SLC39A11: variants seen among roughly 807,000 people sequenced by gnomAD.
SLC39A11 encodes zinc transporter ZIP11.
SLC39A11 carries 33 observed loss-of-function variants against 36.1 expected under a neutral mutation model. The observed-to-expected ratio is 0.91, with a 90% CI of 0.69 to 1.22. SLC39A11 has a LOEUF of 1.22. SLC39A11 is among the 50% of genes most tolerant of loss of function. The pLI is 0.00. For synonymous variants in SLC39A11, 166 were observed against 170.3 expected, an observed-to-expected ratio of 0.97 and a Z score of 0.20; for missense variants, 432 against 430.3, an observed-to-expected ratio of 1.00 and a Z score of -0.03.
chr17:72,904,398 A>T (rs1266008954), intron 5 of SLC39A11, among the ~76,000 whole-genome samples: 1 of 152,196 alleles, frequency 6.6e-6, no homozygotes, highest in East Asian at 1.9e-4. Flanking sequence ...TTTTCACCAT[A>T]CAGTGTCCAA....
intron 4 of SLC39A11, among the ~76,000 whole-genome samples, chr17:73,026,342 C>T (rs1008113838): frequency 2.0e-5 from 3 of 151,254 alleles, no homozygotes; most frequent in African/African-American, 7.3e-5. Context: ...ATGGTGAAAC[C>T]CCATCTCTAC....
chr17:72,999,725 C>G (rs921924645), intron 4 of SLC39A11, among the ~76,000 whole-genome samples: 5 of 152,144 alleles, frequency 3.3e-5, no homozygotes, highest in African/African-American at 1.2e-4. Flanking sequence ...TTTTAGCTAT[C>G]CTGTATCTGT....
At chr17:72,759,565 C>G (rs2075496273) in intron 6 of SLC39A11, among the ~76,000 whole-genome samples, 1 of 152,130 alleles carries the variant, frequency 6.6e-6, no homozygotes, top group Non-Finnish European at 1.5e-5. Flanking sequence ...GGTTGAGTGG[C>G]TACTCAGTGG....
At position 73,031,565 on chromosome 17, in the gene SLC39A11, C is replaced by T. The variant is rs1009465305; in HGVS notation, c.297G>A (p.Met99Ile). 1 of 1,613,986 alleles carries T rather than the reference C, an allele frequency of 6.2e-7. No homozygotes were observed. Among genetic ancestry groups the T allele is most frequent in the African/African-American group, 1.3e-5 (1 of 74,902 alleles). Residue 99 changes from methionine to isoleucine, a missense_variant, in exon 4 of 10, where the codon ATG becomes ATA. Transcript: ENST00000255559. ...AAFVYLADLL[M>I]PHLGAAEDPQ... ...GTAGAGTGGTACTCACCAAGTGAGGCATCAGGAGGTCAGCCAAGTAGACAA... is the reference window on the plus strand; with the variant it reads ...GTAGAGTGGTACTCACCAAGTGAGGTATCAGGAGGTCAGCCAAGTAGACAA...
chr17:72,892,225 T>C (rs1598300999), intron 5 of SLC39A11, among the ~76,000 whole-genome samples: 1 of 149,506 alleles, frequency 6.7e-6, no homozygotes, highest in Non-Finnish European at 1.5e-5. Context: ...CAGGCCAACA[T>C]GGTGAAACCC....
Position 72,752,460 on chromosome 17 carries a change from G to T in SLC39A11, c.602-15741C>A, listed in dbSNP as rs573998398. ...GGGTTTCACCATGTTGGCCAGGCTG[G>T]TCTCGAACTCCTGACCTCAGGTGAT... On this transcript the variant is annotated intron_variant, in intron 6 of 9. Coordinates refer to ENST00000255559, the MANE Select transcript of SLC39A11 (RefSeq NM_139177.4). 2.2e-4 allele frequency among the ~76,000 whole-genome samples: 34 copies of T among 152,198 alleles called. 1 individual carries two copies. Among genetic ancestry groups the T allele is most frequent in the Admixed American group, 3.9e-4 (6 of 15,294 alleles).
intron 2 of SLC39A11, among the ~76,000 whole-genome samples, chr17:73,085,460 A>G (rs1041309919): frequency 3.9e-5 from 6 of 152,140 alleles, no homozygotes; most frequent in Non-Finnish European, 7.4e-5. Flanking sequence ...AGCCTGGCTA[A>G]CGTGGTGAAA....
chr17:72,718,820 G>A (rs1163801749), intron 7 of SLC39A11, among the ~76,000 whole-genome samples: 3 of 152,118 alleles, frequency 2.0e-5, no homozygotes. Flanking sequence ...GTTTATTCGT[G>A]GGCTTCTGAA....
intron 5 of SLC39A11, among the ~76,000 whole-genome samples, chr17:72,872,703 C>A (rs538437591): frequency 1.3e-5 from 2 of 152,078 alleles, no homozygotes; most frequent in Non-Finnish European, 2.9e-5. Context: ...CTAACCACCC[C>A]CTCCGTTGTG....
intron 7 of SLC39A11, among the ~76,000 whole-genome samples, chr17:72,691,489 A>G (rs2072026700): frequency 6.6e-6 from 1 of 152,198 alleles, no homozygotes; most frequent in Non-Finnish European, 1.5e-5. Flanking sequence ...CTTACTGAAC[A>G]CCTACTTTGT....
At chr17:72,727,582 G>A (rs183670215) in intron 7 of SLC39A11, among the ~76,000 whole-genome samples, 1 of 151,632 alleles carries the variant, frequency 6.6e-6, no homozygotes, top group East Asian at 1.9e-4. Flanking sequence ...AGCTCAGGAG[G>A]TGGAGGTTGC....
intron 5 of SLC39A11, among the ~76,000 whole-genome samples, chr17:72,910,595 T>A (rs1221715378): frequency 2.6e-5 from 3 of 117,312 alleles, no homozygotes; most frequent in African/African-American, 1.0e-4. Context: ...CTGCACCCCA[T>A]CCTGGGCAAC....
intron 5 of SLC39A11, among the ~76,000 whole-genome samples, chr17:72,861,302 CTGCTAAAGATAATA>C (rs917974850): frequency 6.6e-6 from 1 of 152,128 alleles, no homozygotes; most frequent in Non-Finnish European, 1.5e-5. Context: ...GGATCACCCA[CTGCTAAAGATAATA>C]GAGATTTTCC....
At chr17:73,081,653 AC>A (rs57892355) in intron 3 of SLC39A11, among the ~76,000 whole-genome samples, 5,770 of 148,646 alleles carry the variant, frequency 0.039, 302 homozygotes, top group East Asian at 0.2. Flanking sequence ...ACACACACAC[AC>A]ACACACACAC....
intron 4 of SLC39A11, among the ~76,000 whole-genome samples, chr17:72,962,774 T>C (rs1343890037): frequency 2.0e-5 from 3 of 152,188 alleles, no homozygotes; most frequent in Non-Finnish European, 4.4e-5. Flanking sequence ...TGCCCTCAGG[T>C]GGTCCACCCG....
intron 6 of SLC39A11, among the ~76,000 whole-genome samples, chr17:72,812,188 C>T (rs536550033): frequency 6.6e-6 from 1 of 152,234 alleles, no homozygotes; most frequent in South Asian, 2.1e-4. Flanking sequence ...GAAAGCTGCT[C>T]CCCAAGGTCA....
chr17:72,867,259 G>A (rs2080348102), intron 5 of SLC39A11, among the ~76,000 whole-genome samples: 1 of 152,206 alleles, frequency 6.6e-6, no homozygotes, highest in South Asian at 2.1e-4. Flanking sequence ...CAGCACTTTA[G>A]GAGGCCAAGG....
intron 3 of SLC39A11, among the ~76,000 whole-genome samples, chr17:73,075,309 G>A (rs983691348): frequency 6.6e-6 from 1 of 152,192 alleles, no homozygotes; most frequent in Non-Finnish European, 1.5e-5. Context: ...TTTCTCAGCA[G>A]AGTCAACTGA....
chr17:72,729,449 A>ATT (rs2074117088), intron 7 of SLC39A11, among the ~76,000 whole-genome samples: 1 of 5,160 alleles, frequency 1.9e-4, no homozygotes, highest in Non-Finnish European at 3.8e-4. Flanking sequence ...ATATATATAT[A>ATT]TATATATATT....
Sources: gnomAD v4.1 joint callset for allele counts (sites outside exome capture counted in the v4.1 genomes callset) on GRCh38, gnomAD v4.1.1 for gene constraint, MANE v1.5 for transcripts, NCBI Gene and HGNC (gene_info 2026-07-23, HGNC 2026-07-21) for gene names.